DMRTA2: variants seen among roughly 807,000 people sequenced by gnomAD.
DMRTA2 encodes the protein DMRT like family A2, also known as doublesex- and mab-3-related transcription factor A2.
Under a neutral mutation model 29.7 loss-of-function variants are expected in DMRTA2, and 10 were observed. The observed-to-expected ratio is 0.34, with a 90% CI of 0.21 to 0.57. The LOEUF is 0.57. Ranked by LOEUF, DMRTA2 falls within the 20% of genes least tolerant of loss-of-function variation. DMRTA2 has a pLI of 0.87. For synonymous variants in DMRTA2, 469 were observed against 402.6 expected (o/e 1.16, Z -1.97); for missense variants, 783 against 812.1 (o/e 0.96, Z 0.44).
Position 50,420,954 on chromosome 1 carries a change from CCTGCGGCCTGG to C in DMRTA2, c.559+13_559+23del. On this transcript the variant is annotated intron_variant, in intron 2 of 2. Transcript: ENST00000404795. The surrounding 1 kb of genome is among the most constrained non-coding windows in gnomAD (Gnocchi z 4.1). ...CAGAGCTACGATCCTGCTGCCCCTA[CCTGCGGCCTGG>C]CCGCGCTCTCACCTGAGCCCCCTGC... 1 of 1,433,816 alleles carries C rather than the reference CCTGCGGCCTGG, an allele frequency of 7.0e-7. No homozygotes were observed. The allele number at this position is 1,433,816 out of a possible 1,614,324, so 88.8% of individuals were successfully genotyped here.
In DMRTA2 at chr1:50,419,052, C is replaced by T. The variant is rs1646013240; in HGVS notation, c.1242G>A (p.Pro414=). The T allele has an allele frequency of 1.5e-6, 2 of 1,314,106 alleles. No individual in the cohort carries two copies. 81.4% of individuals were successfully genotyped at this position (1,314,106 alleles called of 1,614,324 possible). A position where few individuals can be genotyped will look rare whatever the true frequency, so the allele number is the denominator to read the frequency against. The change falls in exon 3 of 3, where the codon CCG becomes CCA. Residue 414 remains proline (P), a synonymous_variant. Coordinates refer to ENST00000404795, the MANE Select transcript of DMRTA2 (RefSeq NM_032110.3). The surrounding 1 kb of genome is among the most constrained non-coding windows in gnomAD (Gnocchi z 6.1). ...CGCCGGCCAGCAAGGGTCTGTGGTG[C>T]GGAGGTGCGGCGGGCCCCGCCTGCA... is the stretch of plus-strand genomic sequence containing the variant. ...APLQAGPAAP[P]HHRPLLAGAM... is the part of the protein sequence containing the mutation.
Position 50,421,248 on chromosome 1 carries a change from C to G in DMRTA2, c.289G>C (p.Ala97Pro). Residue 97 changes from alanine to proline, a missense_variant, in exon 2 of 3, where the codon GCC becomes CCC. Physicochemically the swap from Ala to Pro is conservative, Grantham distance 27. Around this residue, in one of 3 missense-constraint regions of DMRTA2, gnomAD observed 76 missense variants for 152.6 expected, o/e 0.50. Coordinates refer to ENST00000404795, the MANE Select transcript of DMRTA2 (RefSeq NM_032110.3). This position sits in a 1 kb window ranked among gnomAD's most constrained non-coding sequence, Gnocchi z 8.7. ...RYCRWKDCLC[A>P]KCTLIAERQR... ...CGCTCCGCGATGAGCGTGCACTTGG[C>G]GCACAGGCAGTCCTTCCAGCGACAG... 1 of 1,535,924 alleles carries G rather than the reference C, an allele frequency of 6.5e-7. No homozygotes were observed. The highest frequency in any genetic ancestry group is 8.8e-7 in the Non-Finnish European group (1 of 1,140,666).
chr1:50,421,044 C>T lies in DMRTA2; in HGVS notation c.493G>A (p.Gly165Ser). 6.6e-7 allele frequency: 1 copy of T among 1,511,472 alleles called. No homozygotes were observed. The highest frequency in any genetic ancestry group is 1.2e-5 in the South Asian group (1 of 81,840). 93.6% of individuals were successfully genotyped at this position (1,511,472 alleles called of 1,614,324 possible). A position where few individuals can be genotyped will look rare whatever the true frequency, so the allele number is the denominator to read the frequency against. The change falls in exon 2 of 3, where the codon GGC (glycine) becomes AGC (serine). Residue 165 changes from glycine to serine, a missense_variant. Physicochemically the swap from Gly to Ser is moderately conservative, Grantham distance 56. Around this residue, in one of 3 missense-constraint regions of DMRTA2, gnomAD observed 667 missense variants for 624.8 expected, o/e 1.07. Transcript: ENST00000404795. The surrounding 1 kb of genome is among the most constrained non-coding windows in gnomAD (Gnocchi z 8.7). ...EVFGSVCAAD[G>S]GGPGAGAPAG... ...GGCGCTCCCGCTCCAGGTCCCCCGC[C>T]GTCGGCGGCGCACACTGAACCGAAG...
Position 50,421,098 on chromosome 1 carries a change from T to C in DMRTA2, c.439A>G (p.Ile147Val). ...EGLALAAANGIIPPRPAYEVF... is the reference protein window; with the variant it reads ...EGLALAAANGVIPPRPAYEVF... ...TCGTAGGCGGGCCTCGGGGGGATGA[T>C]GCCGTTGGCGGCGGCCAGCGCCAGC... The change falls in exon 2 of 3, where the codon ATC becomes GTC. Residue 147 changes from isoleucine to valine, a missense_variant. This residue lies in a region of DMRTA2 where 667 missense variants were observed against 624.8 expected (regional missense o/e 1.07). Coordinates refer to ENST00000404795, the MANE Select transcript of DMRTA2 (RefSeq NM_032110.3). This position sits in a 1 kb window ranked among gnomAD's most constrained non-coding sequence, Gnocchi z 8.7. 1 of 1,524,382 alleles carries C rather than the reference T, an allele frequency of 6.6e-7. No homozygotes were observed. Among genetic ancestry groups the C allele is most frequent in the Non-Finnish European group, 8.8e-7 (1 of 1,140,752 alleles). The allele number at this position is 1,524,382 out of a possible 1,614,324, so 94.4% of individuals were successfully genotyped here.
chr1:50,422,690 C>T lies in DMRTA2; in HGVS notation c.-9+426G>A, dbSNP rs1646047585. On this transcript the variant is annotated intron_variant, in intron 1 of 2. Transcript: ENST00000404795. This position sits in a 1 kb window ranked among gnomAD's most constrained non-coding sequence, Gnocchi z 5.7. ...TTAGGGACAGAGTCGTCAGACACGC[C>T]CTCCCCGTCTTGGGGTCCCAGGGGA... Among the ~76,000 whole-genome samples the T allele has an allele frequency of 6.6e-6, 1 of 152,222 alleles. No homozygotes were observed. The highest frequency in any genetic ancestry group is 1.5e-5 in the Non-Finnish European group (1 of 68,036).
Position 50,420,950 on chromosome 1 carries a change from C to G in DMRTA2, c.559+28G>C. Reference sequence around the variant, plus strand: ...GCCCCAGAGCTACGATCCTGCTGCCCCTACCTGCGGCCTGGCCGCGCTCTC... The same window carrying G: ...GCCCCAGAGCTACGATCCTGCTGCCGCTACCTGCGGCCTGGCCGCGCTCTC... On this transcript the variant is annotated intron_variant, in intron 2 of 2. Coordinates refer to ENST00000404795, the MANE Select transcript of DMRTA2 (RefSeq NM_032110.3). This position sits in a 1 kb window ranked among gnomAD's most constrained non-coding sequence, Gnocchi z 4.1. The G allele has an allele frequency of 1.4e-6, 2 of 1,430,182 alleles. No homozygotes were observed. The highest frequency in any genetic ancestry group is 1.5e-5 in the South Asian group (1 of 68,470). The allele number at this position is 1,430,182 out of a possible 1,614,324, so 88.6% of individuals were successfully genotyped here.
rs1646017980 is a variant in DMRTA2 at position 50,419,376 on chromosome 1, G to A, written c.918C>T (p.Gly306=). The A allele has an allele frequency of 1.9e-6, 3 of 1,596,778 alleles. No homozygotes were observed. Among genetic ancestry groups the A allele is most frequent in the Non-Finnish European group, 2.5e-6 (3 of 1,179,016 alleles). ...TCCGCTGCCGTGGACCCGAGCCTCC[G>A]CCCAGCCCTGGCGCCGGCGCGGCCT... The part of the protein sequence containing the change: ...EGEAAPAPGL[G]GGSGPRQRTP... Residue 306 remains glycine, a synonymous_variant, in exon 3 of 3, where the codon GGC becomes GGT. Coordinates refer to ENST00000404795, the MANE Select transcript of DMRTA2 (RefSeq NM_032110.3). The surrounding 1 kb of genome is among the most constrained non-coding windows in gnomAD (Gnocchi z 6.1).
rs1196584812 is a variant in DMRTA2, at chr1:50,419,481, G to T, written c.813C>A (p.Gly271=). 1 of 1,593,730 alleles carries T rather than the reference G, an allele frequency of 6.3e-7. No individual in the cohort carries two copies. The highest frequency in any genetic ancestry group is 2.3e-5 in the East Asian group (1 of 43,938). The change falls in exon 3 of 3, where the codon GGC becomes GGA. Residue 271 remains glycine, a synonymous_variant. Coordinates refer to ENST00000404795, the MANE Select transcript of DMRTA2 (RefSeq NM_032110.3). This position sits in a 1 kb window ranked among gnomAD's most constrained non-coding sequence, Gnocchi z 6.1. ...AGCCCGGGCTGTCCTCCTCGCCGCCGCCGCCAGGGCCAGCGCTGCCTGGGC... is the reference window on the plus strand; with the variant it reads ...AGCCCGGGCTGTCCTCCTCGCCGCCTCCGCCAGGGCCAGCGCTGCCTGGGC... ...GSCPGSAGPG[G]GGEEDSPGSA...
At position 50,419,101 on chromosome 1, in the gene DMRTA2, CCGGCGG is replaced by C. The variant is rs4027495; in HGVS notation, c.1187_1192del (p.Ala396_Ala397del). The C allele has an allele frequency of 0.17, 196,707 of 1,140,380 alleles. 18,629 individuals are homozygous for C. The highest frequency in any genetic ancestry group is 0.2 in the South Asian group (4,647 of 23,486). 70.6% of individuals were successfully genotyped at this position (1,140,380 alleles called of 1,614,324 possible). A position where few individuals can be genotyped will look rare whatever the true frequency, so the allele number is the denominator to read the frequency against. Reference sequence around the variant, plus strand: ...CAGCGGCGCAGGCAGCCCAGGCCCCCCGGCGGCGGCGGCGGCGGCGGCGGCGGCGTC... The same window carrying C: ...CAGCGGCGCAGGCAGCCCAGGCCCCCCGGCGGCGGCGGCGGCGGCGGCGTC... On this transcript the variant is annotated inframe_deletion, in exon 3 of 3. Coordinates refer to ENST00000404795, the MANE Select transcript of DMRTA2 (RefSeq NM_032110.3). The surrounding 1 kb of genome is among the most constrained non-coding windows in gnomAD (Gnocchi z 6.1).
Position 50,422,572 on chromosome 1 carries a change from G to C in DMRTA2, c.-9+544C>G, listed in dbSNP as rs1317982016. 6.6e-6 allele frequency among the ~76,000 whole-genome samples: 1 copy of C among 152,146 alleles called. No individual in the cohort carries two copies. The highest frequency in any genetic ancestry group is 2.4e-5 in the African/African-American group (1 of 41,446). On this transcript the variant is annotated intron_variant, in intron 1 of 2. Coordinates refer to ENST00000404795, the MANE Select transcript of DMRTA2 (RefSeq NM_032110.3). The surrounding 1 kb of genome is among the most constrained non-coding windows in gnomAD (Gnocchi z 5.7). ...GCTTCGCAGTCTGGAGTAGTAGTCG[G>C]GGCGGAAGACGTATCCTGCGAAAAG... is the stretch of plus-strand genomic sequence containing the variant.
In DMRTA2 at chr1:50,420,969, C is replaced by T. The variant is rs1169743767; in HGVS notation, c.559+9G>A. On this transcript the variant is annotated intron_variant, in intron 2 of 2. Transcript: ENST00000404795. This position sits in a 1 kb window ranked among gnomAD's most constrained non-coding sequence, Gnocchi z 4.1. ...GCTGCCCCTACCTGCGGCCTGGCCG[C>T]GCTCTCACCTGAGCCCCCTGCGCCA... 6 of 1,460,154 alleles carry T rather than the reference C, an allele frequency of 4.1e-6. No individual in the cohort carries two copies. The highest frequency in any genetic ancestry group is 2.4e-4 in the Middle Eastern group (1 of 4,130). 90.4% of individuals were successfully genotyped at this position (1,460,154 alleles called of 1,614,324 possible).
chr1:50,419,273 C>T lies in DMRTA2; in HGVS notation c.1021G>A (p.Gly341Ser), dbSNP rs1646016982. ...TGCTCGATGGCCTGCACCACGTCGC[C>T]GCCGCAGCCCTGCAACACCAGCTCC... ...VLELVLQGCG[G>S]DVVQAIEQVL... Residue 341 changes from glycine (G) to serine (S), a missense_variant, in exon 3 of 3, where the codon GGC becomes AGC. Transcript: ENST00000404795. The surrounding 1 kb of genome is among the most constrained non-coding windows in gnomAD (Gnocchi z 6.1). 2 of 1,589,878 alleles carry T rather than the reference C, an allele frequency of 1.3e-6. No homozygotes were observed. The highest frequency in any genetic ancestry group is 8.5e-7 in the Non-Finnish European group (1 of 1,176,486).
Position 50,421,689 on chromosome 1 carries a change from G to A in DMRTA2, c.-8-145C>T. On this transcript the variant is annotated intron_variant, in intron 1 of 2. Transcript: ENST00000404795. This position sits in a 1 kb window ranked among gnomAD's most constrained non-coding sequence, Gnocchi z 8.7. ...GCTAGAGGGGCCAGAATTGCTGGGA[G>A]GAGGTGCAGTCGGAACCTCCTTGTG... 9.9e-7 allele frequency: 1 copy of A among 1,008,926 alleles called. No homozygotes were observed. Among genetic ancestry groups the A allele is most frequent in the African/African-American group, 1.7e-5 (1 of 59,206 alleles). 62.5% of individuals were successfully genotyped at this position (1,008,926 alleles called of 1,614,324 possible). A position where few individuals can be genotyped will look rare whatever the true frequency, so the allele number is the denominator to read the frequency against.
rs754141803 is a variant in DMRTA2, at chr1:50,421,110, C to G, written c.427G>C (p.Ala143Pro). The G allele has an allele frequency of 2.6e-6, 4 of 1,524,722 alleles. No individual in the cohort carries two copies. Among genetic ancestry groups the G allele is most frequent in the Non-Finnish European group, 3.5e-6 (4 of 1,140,586 alleles). The allele number at this position is 1,524,722 out of a possible 1,614,324, so 94.4% of individuals were successfully genotyped here. A position where few individuals can be genotyped will look rare whatever the true frequency, so the allele number is the denominator to read the frequency against. The change falls in exon 2 of 3, where the codon GCC becomes CCC. Residue 143 changes from alanine to proline, a missense_variant. Ala to Pro is a conservative substitution (Grantham distance 27). Transcript: ENST00000404795. The surrounding 1 kb of genome is among the most constrained non-coding windows in gnomAD (Gnocchi z 8.7). ...CTCGGGGGGATGATGCCGTTGGCGGCGGCCAGCGCCAGCCCCTCGGCAGTG... is the reference window on the plus strand; with the variant it reads ...CTCGGGGGGATGATGCCGTTGGCGGGGGCCAGCGCCAGCCCCTCGGCAGTG... ...YGTAEGLALAAANGIIPPRPA... is the reference protein window; with the variant it reads ...YGTAEGLALAPANGIIPPRPA...
Position 50,419,797 on chromosome 1 carries a change from C to A in DMRTA2, c.560-63G>T. 7.4e-7 allele frequency: 1 copy of A among 1,352,006 alleles called. No individual in the cohort carries two copies. The highest frequency in any genetic ancestry group is 9.7e-7 in the Non-Finnish European group (1 of 1,029,158). 83.8% of individuals were successfully genotyped at this position (1,352,006 alleles called of 1,614,324 possible). On this transcript the variant is annotated intron_variant, in intron 2 of 2. Transcript: ENST00000404795. The surrounding 1 kb of genome is among the most constrained non-coding windows in gnomAD (Gnocchi z 6.1). ...CTAGAAGACAGCAGTCACAGCACCT[C>A]GGCCCTTTGGATCTCAGTTTCCTCT... is the stretch of plus-strand genomic sequence containing the variant.
At position 50,421,584 on chromosome 1, in the gene DMRTA2, A is replaced by T; in HGVS notation, c.-8-40T>A. 8.1e-7 allele frequency: 1 copy of T among 1,230,932 alleles called. No homozygotes were observed. Among genetic ancestry groups the T allele is most frequent in the East Asian group, 3.2e-5 (1 of 30,970 alleles). The allele number at this position is 1,230,932 out of a possible 1,614,324, so 76.3% of individuals were successfully genotyped here. A position where few individuals can be genotyped will look rare whatever the true frequency, so the allele number is the denominator to read the frequency against. On this transcript the variant is annotated intron_variant, in intron 1 of 2. Transcript: ENST00000404795. The surrounding 1 kb of genome is among the most constrained non-coding windows in gnomAD (Gnocchi z 8.7). The stretch of plus-strand genomic sequence containing the variant: ...GGTGGGAGAGGGGAGAGACCTGGTG[A>T]GGAGCACACCGCGCGCTAGGCCAAA...
rs1645994741 is a variant in DMRTA2 at position 50,417,561 on chromosome 1, G to A, written c.*1104C>T. 2 of 147,304 alleles carry A rather than the reference G, an allele frequency of 1.4e-5. No individual in the cohort carries two copies. Among genetic ancestry groups the A allele is most frequent in the African/African-American group, 5.0e-5 (2 of 40,344 alleles). 9.1% of individuals were successfully genotyped at this position (147,304 alleles called of 1,614,324 possible). On this transcript the variant is annotated 3_prime_UTR_variant, in exon 3 of 3. Coordinates refer to ENST00000404795, the MANE Select transcript of DMRTA2 (RefSeq NM_032110.3). ...GACGGGATTCGGCATTGTTTTCTTAGAAAATAACATTTATTTCTAGCTCAT... is the reference window on the plus strand; with the variant it reads ...GACGGGATTCGGCATTGTTTTCTTAAAAAATAACATTTATTTCTAGCTCAT...
Position 50,418,939 on chromosome 1 carries a change from G to T in DMRTA2, c.1355C>A (p.Ala452Glu). The change falls in exon 3 of 3, where the codon GCG becomes GAG. Residue 452 changes from alanine (A) to glutamate (E), a missense_variant. By Grantham distance (107) the Ala-to-Glu change is moderately radical. Around this residue, in one of 3 missense-constraint regions of DMRTA2, gnomAD observed 667 missense variants for 624.8 expected, o/e 1.07. Transcript: ENST00000404795. ...QPNASHFGAD[A>E]GAYPLGAPLG... is the part of the protein sequence containing the mutation. Reference sequence around the variant, plus strand: ...CGGCGCGCCCAGCGGGTAGGCGCCCGCGTCGGCACCGAAGTGACTGGCGTT... The same window carrying T: ...CGGCGCGCCCAGCGGGTAGGCGCCCTCGTCGGCACCGAAGTGACTGGCGTT... 2.1e-6 allele frequency: 3 copies of T among 1,439,582 alleles called. No homozygotes were observed. The highest frequency in any genetic ancestry group is 6.0e-5 in the East Asian group (2 of 33,422). 89.2% of individuals were successfully genotyped at this position (1,439,582 alleles called of 1,614,324 possible). A position where few individuals can be genotyped will look rare whatever the true frequency, so the allele number is the denominator to read the frequency against.
At position 50,421,179 on chromosome 1, in the gene DMRTA2, C is replaced by T. The variant is rs1019415445; in HGVS notation, c.358G>A (p.Ala120Thr). 1.3e-6 allele frequency: 2 copies of T among 1,537,460 alleles called. No individual in the cohort carries two copies. The highest frequency in any genetic ancestry group is 2.0e-5 in the Admixed American group (1 of 50,578). The change falls in exon 2 of 3, where the codon GCG (alanine) becomes ACG (threonine). Residue 120 changes from alanine to threonine, a missense_variant. Ala to Thr is a moderately conservative substitution (Grantham distance 58). Coordinates refer to ENST00000404795, the MANE Select transcript of DMRTA2 (RefSeq NM_032110.3). The surrounding 1 kb of genome is among the most constrained non-coding windows in gnomAD (Gnocchi z 8.7). ...TCGCGCGCCTCGTTCTCCTCCTGCG[C>T]CTGCTGCCTGCGCAGCGCCACCTGC... ...AAQVALRRQQ[A>T]QEENEARELQ...
Sources: allele counts gnomAD v4.1 joint callset (sites outside exome capture counted in the v4.1 genomes callset), GRCh38; gene constraint gnomAD v4.1.1; regional missense constraint gnomAD v4.1.1; non-coding constraint Gnocchi (gnomAD v3.1); transcripts MANE v1.5; gene names NCBI Gene and HGNC (gene_info 2026-07-23, HGNC 2026-07-21).